The following COL5A2 variants were observed in gnomAD, a reference collection of about 807,000 sequenced individuals.
COL5A2 encodes the protein collagen alpha-2(V) chain.
Under a neutral mutation model 208.2 loss-of-function variants are expected in COL5A2, and 23 were observed. The ratio of observed to expected loss-of-function variants is 0.11; its 90% CI spans 0.08 to 0.16. COL5A2 has a LOEUF of 0.16. Ranked by LOEUF, COL5A2 falls within the 10% of genes least tolerant of loss-of-function variation. The pLI is 1.00. For synonymous variants in COL5A2, 625 were observed against 628.5 expected, an observed-to-expected ratio of 0.99 and a Z score of 0.08; for missense variants, 1,590 against 1,956.4, an observed-to-expected ratio of 0.81 and a Z score of 3.53.
intron 1 of COL5A2, among the ~76,000 whole-genome samples, chr2:189,117,929 T>C (rs1687427389): frequency 6.6e-6 from 1 of 152,110 alleles, no homozygotes; most frequent in Admixed American, 6.5e-5. Context: ...CAAGAAGTAT[T>C]TGTTGAATTA....
intron 1 of COL5A2, among the ~76,000 whole-genome samples, chr2:189,158,588 C>T (rs1442707769): frequency 6.6e-6 from 1 of 152,038 alleles, no homozygotes; most frequent in Non-Finnish European, 1.5e-5. Flanking sequence ...ACTGTAAAAA[C>T]AACTACTCTC....
chr2:189,227,896 T>C (rs1214051687), upstream of COL5A2, among the ~76,000 whole-genome samples: 1 of 151,944 alleles, frequency 6.6e-6, no homozygotes, highest in Non-Finnish European at 1.5e-5. Flanking sequence ...ACACAGAATA[T>C]GCATTCTTCT....
At chr2:189,038,275 T>C (rs1401147093) in intron 51 of COL5A2, among the ~76,000 whole-genome samples, 1 of 152,238 alleles carries the variant, frequency 6.6e-6, no homozygotes, top group African/African-American at 2.4e-5. Flanking sequence ...AATGAGAACA[T>C]ATGATATTTG....
At chr2:189,063,560 G>T (rs1480686745) in intron 26 of COL5A2, among the ~76,000 whole-genome samples, 2 of 152,186 alleles carry the variant, frequency 1.3e-5, no homozygotes, top group East Asian at 3.9e-4. Flanking sequence ...CTGGTTTGTG[G>T]TAATGAAAAT....
the COL5A2 span, among the ~76,000 whole-genome samples, chr2:189,367,711 C>T: frequency 6.6e-6 from 1 of 152,202 alleles, no homozygotes; most frequent in Non-Finnish European, 1.5e-5. Context: ...TCCAACCCAT[C>T]ACTCTAATTT....
At chr2:189,091,170 T>TGG (rs1471477990) in intron 7 of COL5A2, among the ~76,000 whole-genome samples, 3 of 152,150 alleles carry the variant, frequency 2.0e-5, no homozygotes, top group Non-Finnish European at 4.4e-5. Flanking sequence ...AAGACTGCAT[T>TGG]GGGGGAAGTA....
rs1430885676 is a variant in COL5A2 at position 189,066,797 on chromosome 2, T to C, written c.1402-15A>G. 8 of 1,606,936 alleles carry C rather than the reference T, an allele frequency of 5.0e-6. No homozygotes were observed. The highest frequency in any genetic ancestry group is 6.0e-6 in the Non-Finnish European group (7 of 1,173,544). On this transcript the variant is annotated splice_polypyrimidine_tract_variant and intron_variant, in intron 21 of 53. Transcript: ENST00000374866. The stretch of plus-strand genomic sequence containing the variant: ...CCTGGATCACCCTGAAAAAAATATA[T>C]TGATATTTGTAAGAACCAGGACATT...
the COL5A2 span, among the ~76,000 whole-genome samples, chr2:189,422,545 T>A: frequency 6.6e-6 from 1 of 152,152 alleles, no homozygotes; most frequent in Non-Finnish European, 1.5e-5. Context: ...ACTATTTAGG[T>A]CAACTGAACC....
At chr2:189,347,609 G>A in the COL5A2 span, among the ~76,000 whole-genome samples, 1 of 152,070 alleles carries the variant, frequency 6.6e-6, no homozygotes, top group South Asian at 2.1e-4. Flanking sequence ...AAGTGCCCCA[G>A]AGTTAAGATA....
intron 2 of COL5A2, among the ~76,000 whole-genome samples, chr2:189,109,488 C>G (rs1175876018): frequency 6.6e-6 from 1 of 151,822 alleles, no homozygotes; most frequent in Non-Finnish European, 1.5e-5. Context: ...TTGATATTGT[C>G]TTGACAATGA....
chr2:189,411,750 A>ATACACAAATTAGCCGGGCGCAGTG, the COL5A2 span, among the ~76,000 whole-genome samples: 1 of 152,234 alleles, frequency 6.6e-6, no homozygotes, highest in Non-Finnish European at 1.5e-5. Context: ...TTTTTTAAAA[A>ATACACAAATTAGCCGGGCGCAGTG]GCACATGATT....
In COL5A2 at chr2:189,052,776, T is replaced by C. The variant is rs1211014657; in HGVS notation, c.2688A>G (p.Lys896=). ...PHGPNGVPGL[K]GGRGTQGPPG... The stretch of plus-strand genomic sequence containing the variant: ...GCGGACCTTGGGTTCCTCGACCACC[T>C]TTTAGTCCAGGAACACCATTAGGAC... The change falls in exon 40 of 54, where the codon AAA becomes AAG. Residue 896 remains lysine (K), a synonymous_variant. Coordinates refer to ENST00000374866, the MANE Select transcript of COL5A2 (RefSeq NM_000393.5). 6.2e-7 allele frequency: 1 copy of C among 1,613,926 alleles called. No homozygotes were observed. Among genetic ancestry groups the C allele is most frequent in the Non-Finnish European group, 8.5e-7 (1 of 1,179,902 alleles).
At chr2:189,439,123 C>T in the COL5A2 span, among the ~76,000 whole-genome samples, 19 of 152,296 alleles carry the variant, frequency 1.2e-4, no homozygotes, top group South Asian at 3.7e-3. Flanking sequence ...TCCCTGAAAA[C>T]CCATAATAAA....
the COL5A2 span, among the ~76,000 whole-genome samples, chr2:189,245,260 A>G: frequency 5.3e-4 from 80 of 152,230 alleles, no homozygotes; most frequent in Non-Finnish European, 1.5e-4. Context: ...AACAGGTCAC[A>G]ATAGAACCAT....
At chr2:189,148,532 G>C (rs1359765840) in intron 1 of COL5A2, among the ~76,000 whole-genome samples, 4 of 152,030 alleles carry the variant, frequency 2.6e-5, no homozygotes. Context: ...GGTGTGAATT[G>C]AGACTTAAAA....
chr2:189,043,159 C>T lies in COL5A2; in HGVS notation c.3463G>A (p.Gly1155Ser). 1.2e-6 allele frequency: 2 copies of T among 1,612,576 alleles called. No individual in the cohort carries two copies. Among genetic ancestry groups the T allele is most frequent in the Non-Finnish European group, 1.7e-6 (2 of 1,178,906 alleles). Reference protein sequence around the residue: ...RGFTGLQGLPGPPGPNGEQGS... With the variant: ...RGFTGLQGLPSPPGPNGEQGS... ...TTAAAGGAATAACTTACAGGAGGGCCAGGAAGACCCTGAAGACCAGTAAAG... is the reference window on the plus strand; with the variant it reads ...TTAAAGGAATAACTTACAGGAGGGCTAGGAAGACCCTGAAGACCAGTAAAG... Residue 1155 changes from glycine to serine, a missense_variant, in exon 48 of 54, where the codon GGC becomes AGC. Gly to Ser is a moderately conservative substitution (Grantham distance 56, BLOSUM62 0). Transcript: ENST00000374866.
the COL5A2 span, among the ~76,000 whole-genome samples, chr2:189,250,856 G>C: frequency 6.6e-6 from 1 of 152,004 alleles, no homozygotes; most frequent in Non-Finnish European, 1.5e-5. Flanking sequence ...CTTTACCCTT[G>C]ATATTTTCAT....
intron 17 of COL5A2, 64 bp downstream of exon 17, chr2:189,075,329 G>C: frequency 8.3e-7 from 1 of 1,209,538 alleles, no homozygotes; most frequent in Non-Finnish European, 1.2e-6. Flanking sequence ...AAATGTTTTT[G>C]AATGTACAAA....
the COL5A2 span, among the ~76,000 whole-genome samples, chr2:189,378,881 T>C: frequency 6.6e-6 from 1 of 152,216 alleles, no homozygotes; most frequent in Non-Finnish European, 1.5e-5. Context: ...TCAACAATTA[T>C]GTTTATAATA....
Sources: allele counts gnomAD v4.1 joint callset (sites outside exome capture counted in the v4.1 genomes callset), GRCh38; gene constraint gnomAD v4.1.1; transcripts MANE v1.5; gene names NCBI Gene and HGNC (gene_info 2026-07-23, HGNC 2026-07-21).